HPSE2: variants seen among roughly 807,000 people sequenced by gnomAD.
The protein encoded by HPSE2 is heparanase 2 (inactive).
Under a neutral mutation model 60.5 loss-of-function variants are expected in HPSE2, and 38 were observed. The observed-to-expected ratio is 0.63, with a 90% CI of 0.48 to 0.82. HPSE2 has a LOEUF of 0.82. Among genes scored for constraint, HPSE2 ranks in the 40% least tolerant of loss-of-function variants. HPSE2 has a pLI of 0.00. For synonymous variants in HPSE2, 295 were observed against 293.2 expected, an observed-to-expected ratio of 1.01 and a Z score of -0.06; for missense variants, 713 against 740.4, an observed-to-expected ratio of 0.96 and a Z score of 0.43.
intron 3 of HPSE2, among the ~76,000 whole-genome samples, chr10:99,031,076 T>C (rs965076797): frequency 9.2e-5 from 14 of 152,320 alleles, no homozygotes; most frequent in African/African-American, 3.1e-4. Flanking sequence ...TAGTATGTGA[T>C]AGCACAACAG....
At chr10:99,234,048 A>G (rs142767617) in intron 1 of HPSE2, among the ~76,000 whole-genome samples, 24 of 152,360 alleles carry the variant, frequency 1.6e-4, no homozygotes, top group Middle Eastern at 3.4e-3. Context: ...AAGGAGTTCA[A>G]TGAAAGTGGG....
At chr10:99,071,365 T>C (rs1419257032) in intron 3 of HPSE2, among the ~76,000 whole-genome samples, 1 of 152,148 alleles carries the variant, frequency 6.6e-6, no homozygotes, top group Non-Finnish European at 1.5e-5. Context: ...CCGCCGTGCC[T>C]GGCCTATTTT....
chr10:98,502,488 G>A (rs1056169433), intron 9 of HPSE2, among the ~76,000 whole-genome samples: 1 of 152,188 alleles, frequency 6.6e-6, no homozygotes, highest in Non-Finnish European at 1.5e-5. Flanking sequence ...AGGATAACTG[G>A]CTAGCCACAT....
At chr10:98,783,114 CAG>C (rs1323157221) in intron 3 of HPSE2, among the ~76,000 whole-genome samples, 1 of 55,518 alleles carries the variant, frequency 1.8e-5, no homozygotes, top group African/African-American at 7.6e-5. Context: ...CCACAGTCCC[CAG>C]AGTGTGATAT....
chr10:99,003,787 T>C (rs1956830012), intron 3 of HPSE2, among the ~76,000 whole-genome samples: 1 of 152,168 alleles, frequency 6.6e-6, no homozygotes, highest in African/African-American at 2.4e-5. Context: ...TTCAACATTC[T>C]GTTGATTTTT....
chr10:98,886,027 T>C (rs1953153607), intron 3 of HPSE2, among the ~76,000 whole-genome samples: 1 of 152,086 alleles, frequency 6.6e-6, no homozygotes, highest in Non-Finnish European at 1.5e-5. Context: ...TCATAGTCAA[T>C]TTATGAGCAT....
At chr10:98,883,841 G>T (rs1398876770) in intron 3 of HPSE2, among the ~76,000 whole-genome samples, 1 of 151,906 alleles carries the variant, frequency 6.6e-6, no homozygotes, top group Non-Finnish European at 1.5e-5. Flanking sequence ...TCCTACAATG[G>T]CCTCTAAGTG....
At chr10:99,076,622 A>G (rs966080844) in intron 3 of HPSE2, among the ~76,000 whole-genome samples, 3 of 152,170 alleles carry the variant, frequency 2.0e-5, no homozygotes, top group Non-Finnish European at 4.4e-5. Flanking sequence ...TCCTGGTCTC[A>G]GGTGATCTGT....
chr10:99,199,025 T>C (rs1030363814), intron 2 of HPSE2, among the ~76,000 whole-genome samples: 3 of 152,202 alleles, frequency 2.0e-5, no homozygotes, highest in Non-Finnish European at 2.9e-5. Context: ...AAAACTGCTT[T>C]CTTTTTAACG....
the HPSE2 span, among the ~76,000 whole-genome samples, chr10:99,308,466 A>C: frequency 2.6e-5 from 4 of 151,370 alleles, no homozygotes; most frequent in African/African-American, 9.7e-5. Flanking sequence ...ATGGAATATT[A>C]TTTGGCCATG....
chr10:98,845,055 G>A (rs557991222), intron 3 of HPSE2, among the ~76,000 whole-genome samples: 1 of 152,320 alleles, frequency 6.6e-6, no homozygotes, highest in Non-Finnish European at 1.5e-5. Flanking sequence ...ATAAAATGAA[G>A]GCAACTCCTA....
intron 3 of HPSE2, among the ~76,000 whole-genome samples, chr10:99,037,746 T>G (rs910973990): frequency 3.3e-5 from 5 of 152,034 alleles, no homozygotes; most frequent in African/African-American, 1.2e-4. Flanking sequence ...AATTCAATAA[T>G]ACCTTGCCTA....
At chr10:99,294,095 G>T in the HPSE2 span, among the ~76,000 whole-genome samples, 1 of 151,932 alleles carries the variant, frequency 6.6e-6, no homozygotes, top group African/African-American at 2.4e-5. Flanking sequence ...AGGTGAATGC[G>T]GCAGTAGTGT....
chr10:98,763,081 T>C lies in HPSE2; in HGVS notation c.611-19025A>G, dbSNP rs139648093. Among the ~76,000 whole-genome samples the C allele has an allele frequency of 1.1e-3, 173 of 151,966 alleles. 2 individuals carry two copies. Among genetic ancestry groups the C allele is most frequent in the South Asian group, 3.5e-3 (17 of 4,826 alleles). ...TAAAACCTTTACTTGATGGGCCTAA[T>C]ACCAGAACAAAAATGACAGAAGAAA... On this transcript the variant is annotated intron_variant, in intron 3 of 11. Coordinates refer to ENST00000370552, the MANE Select transcript of HPSE2 (RefSeq NM_021828.5).
intron 9 of HPSE2, among the ~76,000 whole-genome samples, chr10:98,502,536 T>C (rs953660202): frequency 1.3e-5 from 2 of 152,200 alleles, no homozygotes; most frequent in Non-Finnish European, 2.9e-5. Flanking sequence ...TCTCACCTTA[T>C]ACAAAAATCA....
chr10:98,941,913 A>T (rs1293583975), intron 3 of HPSE2, among the ~76,000 whole-genome samples: 1 of 142,392 alleles, frequency 7.0e-6, no homozygotes, highest in South Asian at 2.1e-4. Flanking sequence ...CAGAGCCCTC[A>T]GAAATAATGC....
At chr10:98,580,682 G>C (rs1944769958) in intron 9 of HPSE2, among the ~76,000 whole-genome samples, 1 of 151,866 alleles carries the variant, frequency 6.6e-6, no homozygotes, top group Non-Finnish European at 1.5e-5. Context: ...ACACTTTCCA[G>C]TATGTATACA....
chr10:98,931,040 GC>G (rs1190797092), intron 3 of HPSE2, among the ~76,000 whole-genome samples: 3 of 143,932 alleles, frequency 2.1e-5, no homozygotes, highest in Admixed American at 2.1e-4. Context: ...TAAAGTCTTT[GC>G]CCATGCCTAT....
chr10:98,679,795 G>A (rs185449344), intron 6 of HPSE2, among the ~76,000 whole-genome samples: 76 of 152,110 alleles, frequency 5.0e-4, no homozygotes, highest in Admixed American at 1.4e-3. Flanking sequence ...GGGCTCAAGA[G>A]GTCCTCTTGC....
Sources: gnomAD v4.1 joint callset for allele counts (sites outside exome capture counted in the v4.1 genomes callset) on GRCh38, gnomAD v4.1.1 for gene constraint, MANE v1.5 for transcripts, NCBI Gene and HGNC (gene_info 2026-07-23, HGNC 2026-07-21) for gene names.